Variants in ARK2N observed in about 807,000 individuals in gnomAD.
ARK2N encodes the protein protein ARK2N.
At chr18:46,253,745 A>T in the ARK2N span, 9 of 1,612,780 alleles carry the variant, frequency 5.6e-6, no homozygotes, top group Non-Finnish European at 7.6e-6. Context: ...TCTGCTGGCA[A>T]TGCGCCACTC....
At chr18:46,190,297 A>G in the ARK2N span, among the ~76,000 whole-genome samples, 1 of 152,050 alleles carries the variant, frequency 6.6e-6, no homozygotes, top group South Asian at 2.1e-4. Context: ...AGGCGGGTGG[A>G]TCACATGAAG....
At chr18:46,227,028 C>T in the ARK2N span, among the ~76,000 whole-genome samples, 12 of 152,186 alleles carry the variant, frequency 7.9e-5, no homozygotes, top group Admixed American at 2.0e-4. Context: ...AGGCTGATCT[C>T]GAACTCCTGA....
the ARK2N span, among the ~76,000 whole-genome samples, chr18:46,191,073 C>G: frequency 6.6e-6 from 1 of 152,096 alleles, no homozygotes; most frequent in African/African-American, 2.4e-5. Flanking sequence ...GGTACTGGCT[C>G]TGTGTACTGC....
chr18:46,240,619 T>A, the ARK2N span, among the ~76,000 whole-genome samples: 3 of 152,224 alleles, frequency 2.0e-5, no homozygotes, highest in South Asian at 2.1e-4. Flanking sequence ...GCTGCCGCTG[T>A]TTCTTGTGCT....
chr18:46,259,765 C>T, the ARK2N span, among the ~76,000 whole-genome samples: 1 of 111,520 alleles, frequency 9.0e-6, no homozygotes. Context: ...ACTACCCCAC[C>T]CAGCTACTGT....
chr18:46,261,799 A>T, the ARK2N span, among the ~76,000 whole-genome samples: 2 of 152,164 alleles, frequency 1.3e-5, no homozygotes, highest in Non-Finnish European at 2.9e-5. Context: ...GGGAGAAGTT[A>T]TCAGATTAAG....
the ARK2N span, chr18:46,265,568 G>A: frequency 6.6e-6 from 1 of 152,196 alleles, no homozygotes; most frequent in African/African-American, 2.4e-5. Flanking sequence ...ACGGAGATTT[G>A]GATATTAAGA....
At chr18:46,188,214 T>A in the ARK2N span, among the ~76,000 whole-genome samples, 1 of 152,138 alleles carries the variant, frequency 6.6e-6, no homozygotes, top group South Asian at 2.1e-4. Flanking sequence ...ATATATATAT[T>A]TTTGAGACAG....
At chr18:46,234,166 C>T in the ARK2N span, among the ~76,000 whole-genome samples, 14 of 152,002 alleles carry the variant, frequency 9.2e-5, no homozygotes, top group Middle Eastern at 3.2e-3. Flanking sequence ...GTTAAAAGGC[C>T]GAGAAGCGAT....
chr18:46,216,403 C>T, the ARK2N span: 4 of 1,614,002 alleles, frequency 2.5e-6, no homozygotes, highest in Non-Finnish European at 3.4e-6. This position sits in a 1 kb window ranked among gnomAD's most constrained non-coding sequence, Gnocchi z 4.3. Context: ...TAAAGGTCAT[C>T]GGAGCCAAAA....
At chr18:46,247,852 A>T in the ARK2N span, among the ~76,000 whole-genome samples, 1 of 152,226 alleles carries the variant, frequency 6.6e-6, no homozygotes, top group Non-Finnish European at 1.5e-5. Context: ...TTGTATTTTT[A>T]GTAGAGACCG....
chr18:46,190,101 T>C, the ARK2N span, among the ~76,000 whole-genome samples: 1 of 152,212 alleles, frequency 6.6e-6, no homozygotes, highest in South Asian at 2.1e-4. Context: ...GATTATACAT[T>C]TTAGGTTAGC....
chr18:46,255,572 C>T, the ARK2N span, among the ~76,000 whole-genome samples: 2 of 151,010 alleles, frequency 1.3e-5, no homozygotes, highest in Non-Finnish European at 2.9e-5. Context: ...CTGTCTCAGG[C>T]CCCTGAGTAG....
the ARK2N span, among the ~76,000 whole-genome samples, chr18:46,255,142 A>T: frequency 5.3e-5 from 8 of 152,250 alleles, no homozygotes; most frequent in South Asian, 1.7e-3. Flanking sequence ...TAGAGTGGAG[A>T]TGAAATACAG....
chr18:46,241,367 T>C, the ARK2N span, among the ~76,000 whole-genome samples: 1 of 152,324 alleles, frequency 6.6e-6, no homozygotes, highest in South Asian at 2.1e-4. Context: ...AATCCTTGTT[T>C]TGCCCAACAA....
the ARK2N span, among the ~76,000 whole-genome samples, chr18:46,193,320 G>A: frequency 1.3e-4 from 19 of 151,804 alleles, no homozygotes; most frequent in East Asian, 1.6e-3. Context: ...GTGGAGTTTC[G>A]CCCTTGTCAC....
chr18:46,239,894 C>A, the ARK2N span: 1 of 978,642 alleles, frequency 1.0e-6, no homozygotes, highest in Non-Finnish European at 1.6e-6. Context: ...TGCAGCTTTT[C>A]TGATGAGATA....
At chr18:46,214,837 T>C in the ARK2N span, among the ~76,000 whole-genome samples, 1 of 152,228 alleles carries the variant, frequency 6.6e-6, no homozygotes, top group Non-Finnish European at 1.5e-5. Flanking sequence ...TAGACTCAAA[T>C]TCAGCATGAT....
chr18:46,190,507 AAAAC>A, the ARK2N span, among the ~76,000 whole-genome samples: 1 of 151,934 alleles, frequency 6.6e-6, no homozygotes, highest in Non-Finnish European at 1.5e-5. Context: ...CCGAAAAAAA[AAAAC>A]AATTACAGCT....
Sources: gnomAD v4.1 joint callset for allele counts (sites outside exome capture counted in the v4.1 genomes callset) on GRCh38, gnomAD v4.1.1 for gene constraint, Gnocchi (gnomAD v3.1) non-coding constraint, MANE v1.5 for transcripts, NCBI Gene and HGNC (gene_info 2026-07-23, HGNC 2026-07-21) for gene names.